The following DPP6 variants were observed in gnomAD, a reference collection of about 807,000 sequenced individuals.
DPP6 encodes dipeptidyl peptidase like 6.
In DPP6, 69 loss-of-function variants were observed where a neutral mutation model predicts 122.6. The ratio of observed to expected loss-of-function variants is 0.56; its 90% confidence interval spans 0.46 to 0.69. The LOEUF is 0.69. DPP6 is among the 30% of genes least tolerant of loss of function. The pLI is 0.00. For missense variants in DPP6, 928 were observed against 1,116.9 expected (o/e 0.83, Z 2.41); for synonymous variants, 418 against 433.1 (o/e 0.97, Z 0.43).
At chr7:154,726,195 C>A (rs1293241330) in intron 7 of DPP6, among the ~76,000 whole-genome samples, 1 of 152,206 alleles carries the variant, frequency 6.6e-6, no homozygotes, top group African/African-American at 2.4e-5. Flanking sequence ...GACAGTGGCC[C>A]TCTTCTCACA....
chr7:153,783,556 C>A, the DPP6 span, among the ~76,000 whole-genome samples: 1 of 152,166 alleles, frequency 6.6e-6, no homozygotes, highest in South Asian at 2.1e-4. Flanking sequence ...GTGTTTCTGA[C>A]TGATAAGCTT....
intron 4 of DPP6, among the ~76,000 whole-genome samples, chr7:154,545,470 C>CCCTTCCTTCCTTCCTTCCTTCCTTCCAT: frequency 8.0e-6 from 1 of 124,374 alleles, no homozygotes; most frequent in South Asian, 2.5e-4. Context: ...CTCCCTCCCT[C>CCCTTCCTTCCTTCCTTCCTTCCTTCCAT]CCTTCCTTCC....
At chr7:154,637,130 C>T (rs1835777525) in intron 5 of DPP6, among the ~76,000 whole-genome samples, 1 of 152,158 alleles carries the variant, frequency 6.6e-6, no homozygotes, top group Non-Finnish European at 1.5e-5. Flanking sequence ...TTATGGTTAT[C>T]TATGGATTGT....
chr7:153,927,003 A>AT (rs1800931295), intron 1 of DPP6, among the ~76,000 whole-genome samples: 2 of 149,088 alleles, frequency 1.3e-5, no homozygotes, highest in African/African-American at 5.1e-5. Flanking sequence ...TTTTAAGTTA[A>AT]ATTTTTTTTT....
At chr7:154,666,450 A>G (rs1020126762) in intron 6 of DPP6, among the ~76,000 whole-genome samples, 22 of 152,230 alleles carry the variant, frequency 1.4e-4, no homozygotes, top group Admixed American at 1.4e-3. Context: ...AAATTATTAA[A>G]TCAAGCTAAT....
At chr7:154,371,523 T>C (rs1200916790) in intron 1 of DPP6, among the ~76,000 whole-genome samples, 2 of 151,972 alleles carry the variant, frequency 1.3e-5, no homozygotes, top group African/African-American at 4.8e-5. Flanking sequence ...CTCAAGCTTC[T>C]GAAAGGAGAG....
chr7:154,804,876 T>C (rs1282623954), intron 14 of DPP6, 41 bp from the exon 15 acceptor site: 3 of 1,582,570 alleles, frequency 1.9e-6, no homozygotes, highest in East Asian at 4.6e-5. Context: ...CAGACGTGCC[T>C]TGGAGCAAAC....
intron 1 of DPP6, among the ~76,000 whole-genome samples, chr7:153,924,158 C>T (rs1443175366): frequency 6.6e-6 from 1 of 151,842 alleles, no homozygotes; most frequent in African/African-American, 2.4e-5. Flanking sequence ...GCTCTGTCAC[C>T]AGGCTGGAGT....
intron 1 of DPP6, among the ~76,000 whole-genome samples, chr7:154,365,786 G>T (rs756294039): frequency 1.3e-5 from 2 of 151,946 alleles, no homozygotes; most frequent in African/African-American, 2.4e-5. Context: ...GTGAAACCCC[G>T]TCTCTACTAA....
At chr7:153,756,308 C>A in the DPP6 span, among the ~76,000 whole-genome samples, 12 of 151,560 alleles carry the variant, frequency 7.9e-5, no homozygotes, top group African/African-American at 2.7e-4. Context: ...AAATTAGGAT[C>A]TAACTTTAGA....
the DPP6 span, among the ~76,000 whole-genome samples, chr7:153,764,321 C>G: frequency 6.7e-6 from 1 of 150,074 alleles, no homozygotes; most frequent in African/African-American, 2.5e-5. Context: ...TCTGCACTCG[C>G]TAGTCCTCCC....
intron 6 of DPP6, among the ~76,000 whole-genome samples, chr7:154,641,116 C>T (rs1453287008): frequency 2.0e-5 from 3 of 152,190 alleles, no homozygotes; most frequent in African/African-American, 7.2e-5. Flanking sequence ...CCCCAGTCCC[C>T]GCTGTTAGCT....
Position 154,889,509 on chromosome 7 carries a change from A to T in DPP6, c.2430A>T (p.Gly810=). 1 of 1,607,738 alleles carries T rather than the reference A, an allele frequency of 6.2e-7. No homozygotes were observed. The highest frequency in any genetic ancestry group is 1.1e-5 in the South Asian group (1 of 89,988). Residue 810 remains glycine (G), a synonymous_variant, in exon 25 of 26, where the codon GGA becomes GGT. Coordinates refer to ENST00000377770, the MANE Select transcript of DPP6 (RefSeq NM_130797.4). The part of the protein sequence containing the change: ...TAELITQLIR[G]KANYSLQIYP... ...AACTCATTACACAACTAATTAGGGG[A>T]AAGGCTAATTACAGCTTACAGGTAC... is the stretch of plus-strand genomic sequence containing the variant.
intron 1 of DPP6, among the ~76,000 whole-genome samples, chr7:154,366,838 T>C (rs1363090545): frequency 1.3e-5 from 2 of 152,208 alleles, no homozygotes; most frequent in Admixed American, 6.5e-5. Flanking sequence ...CAAGTCCCAA[T>C]ACAATTCCCT....
At position 154,671,721 on chromosome 7, in the gene DPP6, G is replaced by A. The variant is rs149232192; in HGVS notation, c.762+2280G>A. Among the ~76,000 whole-genome samples, 16 of 152,344 alleles carry A rather than the reference G, an allele frequency of 1.1e-4. No homozygotes were observed. In the East Asian group the frequency reaches 3.1e-3, roughly 29 times the overall value. ...TCTTGAACAACTGACCTTCACTCAT[G>A]TCATGCTCCGTTGGAGATGAGGAGG... is the stretch of plus-strand genomic sequence containing the variant. On this transcript the variant is annotated intron_variant, in intron 7 of 25. Transcript: ENST00000377770.
At chr7:154,876,129 G>T (rs771727358) in intron 20 of DPP6, 29 bp downstream of exon 20, 2 of 1,544,164 alleles carry the variant, frequency 1.3e-6, no homozygotes, top group Admixed American at 1.9e-5. Context: ...AGCAGGAGAG[G>T]CCGGGAGGGG....
chr7:154,174,239 A>C (rs1797681908), intron 1 of DPP6, among the ~76,000 whole-genome samples: 1 of 152,232 alleles, frequency 6.6e-6, no homozygotes, highest in Non-Finnish European at 1.5e-5. Flanking sequence ...CTGTTTACCC[A>C]TTGGAAAACT....
In DPP6 at chr7:154,483,276, T is replaced by G. The variant is rs146704567; in HGVS notation, c.457+8239T>G. 4.1e-3 allele frequency among the ~76,000 whole-genome samples: 619 copies of G among 152,308 alleles called. 2 individuals carry two copies. Among genetic ancestry groups the G allele is most frequent in the Non-Finnish European group, 6.8e-3 (460 of 68,024 alleles). On this transcript the variant is annotated intron_variant, in intron 3 of 25. Coordinates refer to ENST00000377770, the MANE Select transcript of DPP6 (RefSeq NM_130797.4). The surrounding 1 kb of genome is among the most constrained non-coding windows in gnomAD (Gnocchi z 8.1). ...CCACCCCACGGTGGCCACGCACCTC[T>G]TCCTGGCTCACAGCCCCAGGGACGT...
At chr7:154,830,008 C>T (rs1486872379) in intron 16 of DPP6, among the ~76,000 whole-genome samples, 2 of 152,178 alleles carry the variant, frequency 1.3e-5, no homozygotes, top group African/African-American at 4.8e-5. Context: ...TCTCACCACC[C>T]GATAGCTCCT....
Sources: allele counts gnomAD v4.1 joint callset (sites outside exome capture counted in the v4.1 genomes callset), GRCh38; gene constraint gnomAD v4.1.1; non-coding constraint Gnocchi (gnomAD v3.1); transcripts MANE v1.5; gene names NCBI Gene and HGNC (gene_info 2026-07-23, HGNC 2026-07-21).